DRC1: variants seen among roughly 807,000 people sequenced by gnomAD.
DRC1 encodes dynein regulatory complex subunit 1.
Under a neutral mutation model 98.7 loss-of-function variants are expected in DRC1, and 74 were observed. The ratio of observed to expected loss-of-function variants is 0.75; its 90% confidence interval spans 0.62 to 0.91. The LOEUF (loss-of-function observed/expected upper bound fraction) is 0.91, where lower values mean the gene tolerates loss of function less well. Among genes scored for constraint, DRC1 ranks in the 40% least tolerant of loss-of-function variants. DRC1 has a pLI of 0.00. For synonymous variants in DRC1, 336 were observed against 334.1 expected (o/e 1.01, Z -0.06); for missense variants, 875 against 886.0 (o/e 0.99, Z 0.16).
chr2:26,456,183 G>A lies in DRC1; in HGVS notation c.2167-278G>A, dbSNP rs556300534. On this transcript the variant is annotated intron_variant, in intron 16 of 16. Coordinates refer to ENST00000288710, the MANE Select transcript of DRC1 (RefSeq NM_145038.5). ...GGGCAGGCTAGATTGGGGATGGCAT[G>A]GGTGCGTGGAGAGAGGAGAGGGGAA... Among the ~76,000 whole-genome samples, 23 of 152,340 alleles carry A rather than the reference G, an allele frequency of 1.5e-4. No individual in the cohort carries two copies. In the South Asian group the frequency reaches 4.8e-3, roughly 32 times the overall value.
intron 7 of DRC1, among the ~76,000 whole-genome samples, chr2:26,435,625 A>C (rs12713851): frequency 0.81 from 122,740 of 152,010 alleles, 51,275 homozygotes; most frequent in Non-Finnish European, 0.92. Context: ...CTTTGTGTCC[A>C]TGTGTTCTCA....
At chr2:26,455,260 G>C (rs1267416412) in intron 16 of DRC1, 27 bp downstream of exon 16, 20 of 1,604,796 alleles carry the variant, frequency 1.2e-5, no homozygotes, top group Non-Finnish European at 1.7e-5. Context: ...TCCAAGGAGG[G>C]GCAGCGGGAG....
At chr2:26,426,052 A>G (rs1663275744) in intron 4 of DRC1, among the ~76,000 whole-genome samples, 1 of 152,090 alleles carries the variant, frequency 6.6e-6, no homozygotes. Context: ...TCTTTAATCG[A>G]TTTTGAGTTA....
intron 14 of DRC1, 147 bp downstream of exon 14, chr2:26,453,696 G>T: frequency 2.7e-6 from 2 of 737,762 alleles, no homozygotes; most frequent in Non-Finnish European, 4.4e-6. Flanking sequence ...GCGGGCTGGG[G>T]CAACCAATCG....
chr2:26,455,074 C>G, intron 15 of DRC1, 57 bp from the exon 16 acceptor site: 2 of 1,589,898 alleles, frequency 1.3e-6, no homozygotes, highest in Non-Finnish European at 1.7e-6. Context: ...ACCCTGGCCC[C>G]TACTTGGCAG....
At chr2:26,435,282 G>C (rs1380058549) in intron 7 of DRC1, among the ~76,000 whole-genome samples, 1 of 152,186 alleles carries the variant, frequency 6.6e-6, no homozygotes, top group Non-Finnish European at 1.5e-5. Context: ...AGGTTAGCTT[G>C]TAATCTTTAT....
At chr2:26,418,558 T>G (rs1558437862) in intron 2 of DRC1, among the ~76,000 whole-genome samples, 3 of 93,888 alleles carry the variant, frequency 3.2e-5, no homozygotes, top group African/African-American at 1.6e-4. Context: ...TATATATAAT[T>G]TATATATAAT....
chr2:26,419,156 T>G (rs948148925), intron 2 of DRC1, among the ~76,000 whole-genome samples: 1 of 152,080 alleles, frequency 6.6e-6, no homozygotes, highest in African/African-American at 2.4e-5. Context: ...CCCAAATTGC[T>G]GGGATTACAG....
intron 3 of DRC1, among the ~76,000 whole-genome samples, chr2:26,423,875 G>A (rs1663213281): frequency 6.6e-6 from 1 of 152,316 alleles, no homozygotes; most frequent in East Asian, 1.9e-4. Context: ...CCGAAAGGTT[G>A]ACAGTCAGTT....
intron 2 of DRC1, among the ~76,000 whole-genome samples, chr2:26,415,464 T>C (rs1275198298): frequency 1.3e-5 from 2 of 152,120 alleles, no homozygotes; most frequent in African/African-American, 4.8e-5. Flanking sequence ...TGAATATGAT[T>C]ATAGAGCATA....
intron 2 of DRC1, among the ~76,000 whole-genome samples, chr2:26,418,232 G>A (rs1024535802): frequency 1.3e-5 from 2 of 151,892 alleles, no homozygotes; most frequent in Non-Finnish European, 2.9e-5. Flanking sequence ...TCTTCCCGGA[G>A]TCTGTCCTGC....
intron 4 of DRC1, among the ~76,000 whole-genome samples, chr2:26,426,688 G>T (rs1663293638): frequency 6.6e-6 from 1 of 152,036 alleles, no homozygotes. Context: ...TTGAAACCAG[G>T]AAATGTGGGG....
intron 1 of DRC1, among the ~76,000 whole-genome samples, chr2:26,410,769 A>T (rs377303600): frequency 8.6e-4 from 131 of 152,304 alleles, no homozygotes; most frequent in African/African-American, 3.0e-3. Context: ...GAAAGTTCAG[A>T]ACACTGAGAA....
intron 3 of DRC1, among the ~76,000 whole-genome samples, chr2:26,422,744 C>T (rs1450397673): frequency 2.0e-5 from 3 of 151,940 alleles, no homozygotes; most frequent in Non-Finnish European, 4.4e-5. Context: ...GGTGAAACTC[C>T]GTCTCTACTA....
intron 12 of DRC1, among the ~76,000 whole-genome samples, chr2:26,450,311 G>C (rs1301105297): frequency 2.0e-5 from 3 of 152,178 alleles, no homozygotes; most frequent in Non-Finnish European, 4.4e-5. Context: ...CTTCCTCTCA[G>C]GTTGTAGGTT....
At chr2:26,404,092 T>G in intron 1 of DRC1, among the ~76,000 whole-genome samples, 1 of 151,856 alleles carries the variant, frequency 6.6e-6, no homozygotes, top group East Asian at 1.9e-4. Context: ...AGAGCGAGAC[T>G]CTGTCTCAAA....
chr2:26,418,687 TTA>T (rs1478079256), intron 2 of DRC1, among the ~76,000 whole-genome samples: 11 of 88,736 alleles, frequency 1.2e-4, no homozygotes, highest in East Asian at 5.6e-4. Flanking sequence ...ATAATTTATA[TTA>T]TATATAAATT....
chr2:26,444,988 G>A, intron 10 of DRC1, 40 bp downstream of exon 10: 1 of 1,597,908 alleles, frequency 6.3e-7, no homozygotes, highest in South Asian at 1.1e-5. Context: ...AGCTGGAGGA[G>A]CCCCCTGAGA....
At chr2:26,410,584 T>A (rs1411222474) in intron 1 of DRC1, among the ~76,000 whole-genome samples, 1 of 151,810 alleles carries the variant, frequency 6.6e-6, no homozygotes, top group Non-Finnish European at 1.5e-5. Context: ...AGAAAAATAT[T>A]TTTTTTTAAT....
Sources: allele counts gnomAD v4.1 joint callset (sites outside exome capture counted in the v4.1 genomes callset), GRCh38; gene constraint gnomAD v4.1.1; transcripts MANE v1.5; gene names NCBI Gene and HGNC (gene_info 2026-07-23, HGNC 2026-07-21).